Variants in PIP5K1B observed in about 807,000 individuals in gnomAD.
PIP5K1B encodes the protein phosphatidylinositol 4-phosphate 5-kinase type-1 beta.
In PIP5K1B, 42 loss-of-function variants were observed where a neutral mutation model predicts 67.0. That is an observed-to-expected ratio of 0.63 (90% confidence interval 0.49 to 0.81). The LOEUF is 0.81. Ranked by LOEUF, PIP5K1B falls within the 30% of genes least tolerant of loss-of-function variation. The probability of loss-of-function intolerance (pLI) is 0.00; values close to 1 mark genes in which losing one functional copy is unlikely to be tolerated. For synonymous variants in PIP5K1B, 214 were observed against 231.4 expected, an observed-to-expected ratio of 0.92 and a Z score of 0.68; for missense variants, 459 against 646.3, an observed-to-expected ratio of 0.71 and a Z score of 3.14.
chr9:68,823,879 A>G (rs1475718955), intron 4 of PIP5K1B, among the ~76,000 whole-genome samples: 3 of 152,112 alleles, frequency 2.0e-5, no homozygotes, highest in African/African-American at 7.2e-5. Context: ...TTCCATTTTC[A>G]TATGGGAGAA....
At chr9:68,951,742 A>G (rs1828077501) in intron 14 of PIP5K1B, among the ~76,000 whole-genome samples, 1 of 152,306 alleles carries the variant, frequency 6.6e-6, no homozygotes, top group African/African-American at 2.4e-5. Flanking sequence ...TATTTTTGTA[A>G]CAAAACTCTA....
chr9:68,963,109 G>T, intron 14 of PIP5K1B: 1 of 455,590 alleles, frequency 2.2e-6, no homozygotes, highest in Admixed American at 2.4e-5. Flanking sequence ...AAGCATCACA[G>T]CCATTCAGAA....
At chr9:68,976,826 C>T (rs558519808) in intron 14 of PIP5K1B, among the ~76,000 whole-genome samples, 1 of 152,318 alleles carries the variant, frequency 6.6e-6, no homozygotes, top group South Asian at 2.1e-4. Context: ...CAGTAATGCT[C>T]ACTCACCCAC....
chr9:68,753,991 A>G (rs1829779615), intron 2 of PIP5K1B, among the ~76,000 whole-genome samples: 1 of 151,676 alleles, frequency 6.6e-6, no homozygotes, highest in Non-Finnish European at 1.5e-5. Flanking sequence ...TTGTTCTTCT[A>G]TAAGAACATT....
At chr9:68,832,872 G>A (rs1298345293) in intron 4 of PIP5K1B, among the ~76,000 whole-genome samples, 1 of 152,202 alleles carries the variant, frequency 6.6e-6, no homozygotes, top group South Asian at 2.1e-4. Context: ...TTTGGTTATT[G>A]AGCACAGGGC....
At chr9:68,806,190 C>T (rs757792376) in intron 2 of PIP5K1B, among the ~76,000 whole-genome samples, 1 of 152,208 alleles carries the variant, frequency 6.6e-6, no homozygotes, top group Non-Finnish European at 1.5e-5. Context: ...AAAGGTGGCA[C>T]AGGTTATGAC....
intron 2 of PIP5K1B, among the ~76,000 whole-genome samples, chr9:68,816,023 C>G (rs1833425309): frequency 6.6e-6 from 1 of 152,082 alleles, no homozygotes; most frequent in South Asian, 2.1e-4. Context: ...ACTTATGATC[C>G]TAAAGATAAA....
intron 4 of PIP5K1B, among the ~76,000 whole-genome samples, chr9:68,859,016 G>A (rs895039268): frequency 9.9e-5 from 15 of 152,186 alleles, no homozygotes; most frequent in African/African-American, 3.6e-4. Flanking sequence ...ATCTCTAGCA[G>A]AGAAAACTCC....
intron 1 of PIP5K1B, among the ~76,000 whole-genome samples, chr9:68,706,762 A>G (rs1827144822): frequency 6.6e-6 from 1 of 152,152 alleles, no homozygotes; most frequent in South Asian, 2.1e-4. Context: ...ATCTCGTGCA[A>G]GGAAGAAGCG....
At chr9:68,961,236 G>C (rs575652972) in intron 14 of PIP5K1B, among the ~76,000 whole-genome samples, 3 of 139,132 alleles carry the variant, frequency 2.2e-5, no homozygotes, top group Non-Finnish European at 3.1e-5. Flanking sequence ...AAAAAAAAGC[G>C]TGTCACCACA....
At chr9:68,876,272 A>G (rs1361469108) in intron 5 of PIP5K1B, among the ~76,000 whole-genome samples, 4 of 152,194 alleles carry the variant, frequency 2.6e-5, no homozygotes, top group Admixed American at 1.3e-4. Flanking sequence ...ATCCCTGGTT[A>G]ACAATGTTTG....
intron 8 of PIP5K1B, among the ~76,000 whole-genome samples, chr9:68,902,681 T>A (rs946370378): frequency 6.6e-6 from 1 of 152,252 alleles, no homozygotes; most frequent in African/African-American, 2.4e-5. Flanking sequence ...TTTAAGAAAC[T>A]GCCATACTCT....
At position 68,843,741 on chromosome 9, in the gene PIP5K1B, A is replaced by C. The variant is rs1432122728; in HGVS notation, c.70-20096A>C. 4.6e-5 allele frequency among the ~76,000 whole-genome samples: 7 copies of C among 152,276 alleles called. No homozygotes were observed. In the East Asian group the frequency reaches 9.6e-4, roughly 21 times the overall value. ...TTGGGAAAACCTATTTCCTTACCCA[A>C]CGAGACTGTAGAAAATTCCCCTCAG... On this transcript the variant is annotated intron_variant, in intron 4 of 15. Coordinates refer to ENST00000265382, the MANE Select transcript of PIP5K1B (RefSeq NM_003558.4).
intron 4 of PIP5K1B, among the ~76,000 whole-genome samples, chr9:68,838,396 G>A (rs1193195801): frequency 6.6e-6 from 1 of 152,072 alleles, no homozygotes; most frequent in East Asian, 1.9e-4. Flanking sequence ...CTCTTGTACT[G>A]TTTCCAAGAG....
intron 8 of PIP5K1B, among the ~76,000 whole-genome samples, chr9:68,899,629 G>A (rs1357110759): frequency 1.3e-5 from 2 of 152,204 alleles, no homozygotes; most frequent in Non-Finnish European, 2.9e-5. Context: ...TCTCCATTTT[G>A]AATCACTTGG....
At chr9:68,758,643 AT>A (rs1387582145) in intron 2 of PIP5K1B, among the ~76,000 whole-genome samples, 11 of 152,058 alleles carry the variant, frequency 7.2e-5, no homozygotes, top group Non-Finnish European at 1.3e-4. Flanking sequence ...AAAAGATCTA[AT>A]GTTCATGGCA....
chr9:68,809,414 G>A (rs1175809429), intron 2 of PIP5K1B, among the ~76,000 whole-genome samples: 1 of 152,056 alleles, frequency 6.6e-6, no homozygotes, highest in Non-Finnish European at 1.5e-5. Context: ...CCAGGCTGAC[G>A]TTTTCCTAAG....
chr9:68,983,450 CTGTG>C (rs1006094119), intron 14 of PIP5K1B, among the ~76,000 whole-genome samples: 2 of 151,898 alleles, frequency 1.3e-5, no homozygotes, highest in Admixed American at 6.6e-5. Context: ...TATCTTTTTT[CTGTG>C]TGTGTGTTTT....
At chr9:68,859,941 T>C (rs988116630) in intron 4 of PIP5K1B, among the ~76,000 whole-genome samples, 5 of 152,184 alleles carry the variant, frequency 3.3e-5, no homozygotes, top group African/African-American at 1.2e-4. Context: ...ATTATATGTA[T>C]TTATTGTGTA....
Sources: gnomAD v4.1 joint callset for allele counts (sites outside exome capture counted in the v4.1 genomes callset) on GRCh38, gnomAD v4.1.1 for gene constraint, MANE v1.5 for transcripts, NCBI Gene and HGNC (gene_info 2026-07-23, HGNC 2026-07-21) for gene names.